The following SEMA6C variants were observed in gnomAD, a reference collection of about 807,000 sequenced individuals.
SEMA6C encodes semaphorin-6C.
Under a neutral mutation model 72.9 loss-of-function variants are expected in SEMA6C, and 37 were observed. That is an observed-to-expected ratio of 0.51 (90% CI 0.39 to 0.67). The LOEUF is 0.67. Among genes scored for constraint, SEMA6C ranks in the 30% least tolerant of loss-of-function variants. The pLI is 0.00. For missense variants in SEMA6C, 1,189 were observed against 1,263.6 expected, an observed-to-expected ratio of 0.94 and a Z score of 0.89; for synonymous variants, 578 against 554.1, an observed-to-expected ratio of 1.04 and a Z score of -0.61.
At position 151,142,607 on chromosome 1, in the gene SEMA6C, G is replaced by C. The variant is rs1330440825; in HGVS notation, c.15C>G (p.Pro5=). 6.3e-7 allele frequency: 1 copy of C among 1,587,892 alleles called. No individual in the cohort carries two copies. Among genetic ancestry groups the C allele is most frequent in the Admixed American group, 1.8e-5 (1 of 57,082 alleles). Residue 5 remains proline, a synonymous_variant, in exon 3 of 19, where the codon CCC becomes CCG. Coordinates refer to ENST00000368914, the MANE Select transcript of SEMA6C (RefSeq NM_030913.6). Reference sequence around the variant, plus strand: ...GCAGTAGCAGCAAGGGCATGAAGTGGGGGGCACGGGGCATCCTGTGCGGGG... The same window carrying C: ...GCAGTAGCAGCAAGGGCATGAAGTGCGGGGCACGGGGCATCCTGTGCGGGG... MPRA[P]HFMPLLLLLL...
intron 4 of SEMA6C, 56 bp downstream of exon 4, chr1:151,139,920 C>G (rs904458600): frequency 1.3e-6 from 2 of 1,538,332 alleles, no homozygotes; most frequent in African/African-American, 1.4e-5. Context: ...ATACAGGTCC[C>G]AAGTCTGCCC....
intron 3 of SEMA6C, among the ~76,000 whole-genome samples, chr1:151,140,805 T>C (rs587594695): frequency 6.8e-4 from 103 of 152,270 alleles, no homozygotes; most frequent in Admixed American, 3.3e-3. Flanking sequence ...CCATCCTGGC[T>C]AACATGGTGA....
At chr1:151,134,211 T>C in intron 18 of SEMA6C, 190 bp downstream of exon 18, 1 of 747,094 alleles carries the variant, frequency 1.3e-6, no homozygotes, top group Non-Finnish European at 2.2e-6. Context: ...ATGCAGGACA[T>C]TGATTTATTT....
Position 151,133,163 on chromosome 1 carries a change from G to A in SEMA6C, c.2114C>T (p.Pro705Leu). ...LACLPTPEST[P>L]ELPVKHLRAA... ...GCGGAGGTGCTTGACCGGCAGCTCCGGCGTGGACTCGGGGGTGGGCAGGCA... is the reference window on the plus strand; with the variant it reads ...GCGGAGGTGCTTGACCGGCAGCTCCAGCGTGGACTCGGGGGTGGGCAGGCA... The change falls in exon 19 of 19, where the codon CCG becomes CTG. Residue 705 changes from proline to leucine, a missense_variant. By Grantham distance (98) the Pro-to-Leu change is moderately conservative. Around this residue, in one of 2 missense-constraint regions of SEMA6C, gnomAD observed 721 missense variants for 686.2 expected, o/e 1.05. Coordinates refer to ENST00000368914, the MANE Select transcript of SEMA6C (RefSeq NM_030913.6). This position sits in a 1 kb window ranked among gnomAD's most constrained non-coding sequence, Gnocchi z 5.9. 6.4e-7 allele frequency: 1 copy of A among 1,553,966 alleles called. No homozygotes were observed. Among genetic ancestry groups the A allele is most frequent in the Non-Finnish European group, 8.6e-7 (1 of 1,162,766 alleles).
At chr1:151,134,094 G>C in intron 18 of SEMA6C, 1 of 1,383,570 alleles carries the variant, frequency 7.2e-7, no homozygotes, top group African/African-American at 1.5e-5. Flanking sequence ...TGAGGCTCTT[G>C]ATCTCTACCC....
Position 151,132,425 on chromosome 1 carries a change from C to T in SEMA6C, c.*59G>A. On this transcript the variant is annotated 3_prime_UTR_variant, in exon 19 of 19. Transcript: ENST00000368914. ...GCGGTGAAACGTCCTGAAGAGCGTCCAGCTCGTGGCCGAGAGGACTCGGGC... is the reference window on the plus strand; with the variant it reads ...GCGGTGAAACGTCCTGAAGAGCGTCTAGCTCGTGGCCGAGAGGACTCGGGC... 2 of 1,524,562 alleles carry T rather than the reference C, an allele frequency of 1.3e-6. No homozygotes were observed. The highest frequency in any genetic ancestry group is 1.8e-6 in the Non-Finnish European group (2 of 1,133,126). 94.4% of individuals were successfully genotyped at this position (1,524,562 alleles called of 1,614,324 possible).
rs1164744248 is a variant in SEMA6C at position 151,142,527 on chromosome 1, G to A, written c.95C>T (p.Pro32Leu). ...ACCTTGAAGGTCAGAGATCAACAGA[G>A]GGAGGGGGTCCTGGGGAAAGGCGGC... is the stretch of plus-strand genomic sequence containing the variant. ...TQAAFPQDPLPLLISDLQGTS... is the reference protein window; with the variant it reads ...TQAAFPQDPLLLLISDLQGTS... Residue 32 changes from proline to leucine, a missense_variant, in exon 3 of 19, where the codon CCT (proline) becomes CTT (leucine). Pro to Leu is a moderately conservative substitution (Grantham distance 98, BLOSUM62 -3). Around this residue, in one of 2 missense-constraint regions of SEMA6C, gnomAD observed 468 missense variants for 577.4 expected, o/e 0.81. Transcript: ENST00000368914. 1 of 1,613,322 alleles carries A rather than the reference G, an allele frequency of 6.2e-7. No individual in the cohort carries two copies. Among genetic ancestry groups the A allele is most frequent in the Non-Finnish European group, 8.5e-7 (1 of 1,179,766 alleles).
chr1:151,135,135 A>C, intron 15 of SEMA6C, 28 bp downstream of exon 15: 1 of 1,609,570 alleles, frequency 6.2e-7, no homozygotes, highest in Non-Finnish European at 8.5e-7. Flanking sequence ...GCTTGCCCAC[A>C]CAGGGCCTGG....
intron 3 of SEMA6C, 86 bp downstream of exon 3, chr1:151,142,418 G>T: frequency 2.0e-6 from 3 of 1,516,366 alleles, no homozygotes; most frequent in Non-Finnish European, 2.7e-6. Context: ...GAGGCTGGGA[G>T]CCTTCCTGCA....
rs1682877542 is a variant in SEMA6C at position 151,145,637 on chromosome 1, A to G, written c.-105+796T>C. On this transcript the variant is annotated intron_variant, in intron 1 of 18. Transcript: ENST00000368914. This position sits in a 1 kb window ranked among gnomAD's most constrained non-coding sequence, Gnocchi z 4.4. ...TGGGCCGGGACCGGGTCCCAGAGCC[A>G]CGTTAGCGAGAGGAGGGGCTGGAGG... 6.1e-6 allele frequency: 1 copy of G among 163,596 alleles called. No individual in the cohort carries two copies. Among genetic ancestry groups the G allele is most frequent in the Non-Finnish European group, 1.3e-5 (1 of 75,254 alleles). The allele number at this position is 163,596 out of a possible 1,614,324, so 10.1% of individuals were successfully genotyped here.
chr1:151,134,102 C>T, intron 18 of SEMA6C: 1 of 1,323,956 alleles, frequency 7.6e-7, no homozygotes, highest in African/African-American at 1.5e-5. Context: ...TTGATCTCTA[C>T]CCCTGACACC....
Position 151,133,301 on chromosome 1 carries a change from C to G in SEMA6C, c.1976G>C (p.Gly659Ala). 6.3e-7 allele frequency: 1 copy of G among 1,581,760 alleles called. No individual in the cohort carries two copies. Among genetic ancestry groups the G allele is most frequent in the South Asian group, 1.1e-5 (1 of 88,488 alleles). The change falls in exon 19 of 19, where the codon GGT becomes GCT. Residue 659 changes from glycine (G) to alanine (A), a missense_variant. Physicochemically the swap from Gly to Ala is moderately conservative, Grantham distance 60. Around this residue, in one of 2 missense-constraint regions of SEMA6C, gnomAD observed 721 missense variants for 686.2 expected, o/e 1.05. Coordinates refer to ENST00000368914, the MANE Select transcript of SEMA6C (RefSeq NM_030913.6). This position sits in a 1 kb window ranked among gnomAD's most constrained non-coding sequence, Gnocchi z 5.9. Reference protein sequence around the residue: ...LSLRSLARLHGGGPEPPPPSK... With the variant: ...LSLRSLARLHAGGPEPPPPSK... Reference sequence around the variant, plus strand: ...GGGCGGCGGGGGCTCTGGGCCCCCACCGTGGAGCCGGGCCAAACTGCGGAG... The same window carrying G: ...GGGCGGCGGGGGCTCTGGGCCCCCAGCGTGGAGCCGGGCCAAACTGCGGAG...
Position 151,136,837 on chromosome 1 carries a change from C to G in SEMA6C, c.974+20G>C. On this transcript the variant is annotated intron_variant, in intron 11 of 18. Transcript: ENST00000368914. The stretch of plus-strand genomic sequence containing the variant: ...GAGGCAGGGGACAGATTGGGTCACA[C>G]TAGTCAGCCTAGTACCAACCTATTG... The G allele has an allele frequency of 6.2e-7, 1 of 1,604,852 alleles. No homozygotes were observed.
intron 2 of SEMA6C, among the ~76,000 whole-genome samples, chr1:151,143,061 C>T (rs1447931407): frequency 6.6e-6 from 1 of 152,220 alleles, no homozygotes; most frequent in East Asian, 1.9e-4. Context: ...AATAGTGACT[C>T]CTTGGCACTG....
At chr1:151,136,709 G>A in intron 11 of SEMA6C, 130 bp from the exon 12 acceptor site, 2 of 1,370,648 alleles carry the variant, frequency 1.5e-6, no homozygotes, top group South Asian at 2.6e-5. Context: ...GCCACTGGGT[G>A]CCACACTAGG....
chr1:151,136,690 G>C, intron 11 of SEMA6C, 111 bp from the exon 12 acceptor site: 1 of 1,446,934 alleles, frequency 6.9e-7, no homozygotes. Flanking sequence ...AGACTGAGGA[G>C]GTGGGGCAGC....
chr1:151,132,664 A>C lies in SEMA6C; in HGVS notation c.2613T>G (p.Gly871=). ...CGGGACCCCCGGAGTACCTGGAGGG[A>C]CCTCCCGAGGGGACTCGAGTGAGCA... is the stretch of plus-strand genomic sequence containing the variant. ...PALLTRVPSG[G]PSRYSGGPGK... is the part of the protein sequence containing the mutation. The change falls in exon 19 of 19, where the codon GGT becomes GGG. Residue 871 remains glycine (G), a synonymous_variant. Transcript: ENST00000368914. 1.9e-6 allele frequency: 3 copies of C among 1,548,350 alleles called. No individual in the cohort carries two copies. The highest frequency in any genetic ancestry group is 2.6e-6 in the Non-Finnish European group (3 of 1,146,030).
intron 6 of SEMA6C, among the ~76,000 whole-genome samples, chr1:151,139,108 A>AG (rs1322809483): frequency 1.3e-5 from 2 of 151,680 alleles, no homozygotes; most frequent in African/African-American, 4.8e-5. Flanking sequence ...AAAAAAAAAA[A>AG]AAAGAAAAGA....
At position 151,132,951 on chromosome 1, in the gene SEMA6C, C is replaced by T. The variant is rs775372961; in HGVS notation, c.2326G>A (p.Gly776Ser). ...TLEELLRYLH[G>S]PQPPRKGAEP... Reference sequence around the variant, plus strand: ...GCCCCCTTTCTGGGCGGCTGCGGGCCGTGCAGGTAGCGCAGCAGTTCCTCC... The same window carrying T: ...GCCCCCTTTCTGGGCGGCTGCGGGCTGTGCAGGTAGCGCAGCAGTTCCTCC... Residue 776 changes from glycine to serine, a missense_variant, in exon 19 of 19, where the codon GGC (glycine) becomes AGC (serine). Coordinates refer to ENST00000368914, the MANE Select transcript of SEMA6C (RefSeq NM_030913.6). The T allele has an allele frequency of 2.8e-6, 4 of 1,409,304 alleles. No individual in the cohort carries two copies. The highest frequency in any genetic ancestry group is 3.7e-6 in the Non-Finnish European group (4 of 1,078,428). 87.3% of individuals were successfully genotyped at this position (1,409,304 alleles called of 1,614,324 possible). A position where few individuals can be genotyped will look rare whatever the true frequency, so the allele number is the denominator to read the frequency against.
Sources: allele counts gnomAD v4.1 joint callset (sites outside exome capture counted in the v4.1 genomes callset), GRCh38; gene constraint gnomAD v4.1.1; regional missense constraint gnomAD v4.1.1; non-coding constraint Gnocchi (gnomAD v3.1); transcripts MANE v1.5; gene names NCBI Gene and HGNC (gene_info 2026-07-23, HGNC 2026-07-21).